Variants in ZPBP observed in about 807,000 individuals in gnomAD.
ZPBP encodes the protein zona pellucida-binding protein 1.
Under a neutral mutation model 44.8 loss-of-function variants are expected in ZPBP, and 26 were observed. The ratio of observed to expected loss-of-function variants is 0.58; its 90% CI spans 0.43 to 0.81. The LOEUF (loss-of-function observed/expected upper bound fraction) is 0.81. Ranked by LOEUF, ZPBP falls within the 30% of genes least tolerant of loss-of-function variation. The pLI is 0.00. For synonymous variants in ZPBP, 174 were observed against 153.2 expected (o/e 1.14, Z -1.00); for missense variants, 409 against 434.0 (o/e 0.94, Z 0.51).
At chr7:50,070,570 G>A (rs1024679074) in intron 3 of ZPBP, among the ~76,000 whole-genome samples, 5 of 152,158 alleles carry the variant, frequency 3.3e-5, no homozygotes, top group African/African-American at 9.7e-5. Context: ...CTTCAACCCC[G>A]GACAAGCCCC....
At chr7:50,071,004 G>A (rs1801806949) in intron 3 of ZPBP, among the ~76,000 whole-genome samples, 1 of 152,056 alleles carries the variant, frequency 6.6e-6, no homozygotes, top group Non-Finnish European at 1.5e-5. Flanking sequence ...TTTCTCAGGG[G>A]GAACTGGGTT....
At chr7:49,860,222 G>A (rs1333657543) in intron 2 of ZPBP, among the ~76,000 whole-genome samples, 1 of 152,066 alleles carries the variant, frequency 6.6e-6, no homozygotes, top group Non-Finnish European at 1.5e-5. Context: ...ATTCCAAACT[G>A]AAACCCTCCG....
intron 2 of ZPBP, among the ~76,000 whole-genome samples, chr7:49,856,032 T>A (rs1790403628): frequency 2.0e-5 from 3 of 152,154 alleles, no homozygotes; most frequent in Admixed American, 2.0e-4. Flanking sequence ...CCTGCTTAGT[T>A]CAGGTATATA....
At chr7:49,966,840 G>A (rs1004623207) in intron 7 of ZPBP, among the ~76,000 whole-genome samples, 2 of 152,078 alleles carry the variant, frequency 1.3e-5, no homozygotes, top group African/African-American at 4.8e-5. Context: ...ATGTGGGAAA[G>A]TTCTTTGTAG....
At chr7:50,090,929 G>C (rs1218097597) in intron 1 of ZPBP, among the ~76,000 whole-genome samples, 1 of 151,956 alleles carries the variant, frequency 6.6e-6, no homozygotes, top group Non-Finnish European at 1.5e-5. Context: ...ATTCCCACCA[G>C]CAGTGTAGAA....
chr7:49,897,955 C>G (rs1792473248), intron 2 of ZPBP, among the ~76,000 whole-genome samples: 1 of 152,120 alleles, frequency 6.6e-6, no homozygotes. Context: ...TGAAACACTC[C>G]AGAGCATTGT....
intron 2 of ZPBP, among the ~76,000 whole-genome samples, chr7:49,867,674 A>T (rs1005694507): frequency 2.0e-5 from 3 of 152,148 alleles, no homozygotes; most frequent in African/African-American, 7.2e-5. Context: ...CTGAAGAGAG[A>T]GGAGAATTCT....
intron 2 of ZPBP, among the ~76,000 whole-genome samples, chr7:50,088,735 A>G (rs1584206862): frequency 1.3e-5 from 2 of 152,136 alleles, no homozygotes; most frequent in Middle Eastern, 6.8e-3. Context: ...TAGGATAGCT[A>G]TAAAAAAAGA....
rs115234928 is a variant in ZPBP at position 49,945,501 on chromosome 7, A to G, written c.962-7879T>C. ...GGGGTCTCTCTCTTTAGCTCTAATA[A>G]TATGTGCTTTATATATCTGGATGCT... On this transcript the variant is annotated intron_variant, in intron 7 of 7. Transcript: ENST00000046087. Among the ~76,000 whole-genome samples the G allele has an allele frequency of 7.7e-3, 1,167 of 152,262 alleles. 24 individuals carry two copies. The highest frequency in any genetic ancestry group is 0.027 in the African/African-American group (1,104 of 41,558).
downstream of ZPBP, among the ~76,000 whole-genome samples, chr7:49,936,904 T>A (rs1794636163): frequency 6.6e-6 from 1 of 152,152 alleles, no homozygotes; most frequent in Non-Finnish European, 1.5e-5. Context: ...AGTTCAACTA[T>A]TAATTTAGGC....
At chr7:50,079,881 A>C (rs1802277472) in intron 3 of ZPBP, among the ~76,000 whole-genome samples, 1 of 151,676 alleles carries the variant, frequency 6.6e-6, no homozygotes, top group Non-Finnish European at 1.5e-5. Context: ...TATTAGGGTC[A>C]GAGTGGGAGG....
intron 6 of ZPBP, among the ~76,000 whole-genome samples, chr7:49,995,629 T>A (rs1350672919): frequency 6.6e-6 from 1 of 152,212 alleles, no homozygotes; most frequent in Admixed American, 6.6e-5. Context: ...TCCCAAGAAT[T>A]CAGCATTGCT....
intron 4 of ZPBP, among the ~76,000 whole-genome samples, chr7:50,042,305 A>T (rs565444953): frequency 6.6e-6 from 1 of 152,224 alleles, no homozygotes; most frequent in African/African-American, 2.4e-5. Flanking sequence ...CCAACATTCA[A>T]ATTCAGGAAA....
chr7:49,963,608 C>T (rs1388966453), intron 7 of ZPBP, among the ~76,000 whole-genome samples: 1 of 151,788 alleles, frequency 6.6e-6, no homozygotes, highest in East Asian at 1.9e-4. Flanking sequence ...GTGATGTTAA[C>T]TGATGTTAGT....
chr7:50,001,832 A>G (rs1798111124), intron 6 of ZPBP, among the ~76,000 whole-genome samples: 1 of 152,170 alleles, frequency 6.6e-6, no homozygotes, highest in African/African-American at 2.4e-5. Context: ...GTAAAATGTA[A>G]AAGAGAAGAG....
intron 1 of ZPBP, among the ~76,000 whole-genome samples, chr7:49,906,441 T>C (rs1793095972): frequency 6.6e-6 from 1 of 152,088 alleles, no homozygotes; most frequent in Non-Finnish European, 1.5e-5. Flanking sequence ...GTTCACGCCA[T>C]TTTCCTGCCT....
intron 4 of ZPBP, among the ~76,000 whole-genome samples, chr7:50,056,720 G>T (rs1025747443): frequency 6.6e-6 from 1 of 152,130 alleles, no homozygotes; most frequent in African/African-American, 2.4e-5. Context: ...TTAAGTTCCA[G>T]CTCCCTTTCT....
At chr7:50,079,159 A>G (rs1298444337) in intron 3 of ZPBP, among the ~76,000 whole-genome samples, 2 of 151,540 alleles carry the variant, frequency 1.3e-5, no homozygotes, top group Admixed American at 1.3e-4. Flanking sequence ...AAATTCCTTG[A>G]AAGATACAAT....
intron 4 of ZPBP, among the ~76,000 whole-genome samples, chr7:50,054,342 A>C (rs1439835617): frequency 1.3e-5 from 2 of 152,200 alleles, no homozygotes; most frequent in Non-Finnish European, 1.5e-5. Context: ...TGCATAAGAA[A>C]AGACTAGTAT....
Sources: allele counts gnomAD v4.1 joint callset (sites outside exome capture counted in the v4.1 genomes callset), GRCh38; gene constraint gnomAD v4.1.1; transcripts MANE v1.5; gene names NCBI Gene and HGNC (gene_info 2026-07-23, HGNC 2026-07-21).